NHSL1: variants seen among roughly 807,000 people sequenced by gnomAD.
NHSL1 encodes the protein NHS-like protein 1.
In NHSL1, 48 loss-of-function variants were observed where a neutral mutation model predicts 95.0. The ratio of observed to expected loss-of-function variants is 0.51; its 90% confidence interval spans 0.40 to 0.64. The LOEUF (loss-of-function observed/expected upper bound fraction) is 0.64. Ranked by LOEUF, NHSL1 falls within the 30% of genes least tolerant of loss-of-function variation. NHSL1 has a pLI of 0.00. For missense variants in NHSL1, 1,971 were observed against 2,077.7 expected, an observed-to-expected ratio of 0.95 and a Z score of 1.00; for synonymous variants, 783 against 833.9, an observed-to-expected ratio of 0.94 and a Z score of 1.05.
chr6:138,672,250 A>C (rs1785382426), intron 1 of NHSL1, among the ~76,000 whole-genome samples: 1 of 152,162 alleles, frequency 6.6e-6, no homozygotes, highest in Non-Finnish European at 1.5e-5. Flanking sequence ...GAAAAAGTCA[A>C]AGAAGGCAGC....
intron 1 of NHSL1, among the ~76,000 whole-genome samples, chr6:138,563,939 G>A (rs1783508559): frequency 6.6e-6 from 1 of 152,174 alleles, no homozygotes; most frequent in Admixed American, 6.5e-5. Flanking sequence ...GGTGAAAGCA[G>A]GGAAACCAGT....
intron 1 of NHSL1, among the ~76,000 whole-genome samples, chr6:138,569,725 CCT>C (rs754129413): frequency 2.6e-4 from 39 of 152,270 alleles, no homozygotes; most frequent in Non-Finnish European, 5.1e-4. Context: ...ATAACATTCC[CCT>C]GAGACAAGAT....
At chr6:138,438,093 G>A (rs1176890825) in intron 5 of NHSL1, among the ~76,000 whole-genome samples, 1 of 152,110 alleles carries the variant, frequency 6.6e-6, no homozygotes, top group Non-Finnish European at 1.5e-5. Context: ...TTCTACTGTC[G>A]GTAAAATGTT....
chr6:138,682,548 T>G (rs1445204870), intron 1 of NHSL1, among the ~76,000 whole-genome samples: 1 of 152,240 alleles, frequency 6.6e-6, no homozygotes, highest in Non-Finnish European at 1.5e-5. Flanking sequence ...TATCTAACCA[T>G]CCACATGAAA....
At chr6:138,549,666 C>T (rs1486881843), upstream of NHSL1, among the ~76,000 whole-genome samples, 4 of 152,172 alleles carry the variant, frequency 2.6e-5, no homozygotes, top group Admixed American at 2.0e-4. Context: ...GGAACTTATA[C>T]ATTTAGCAAG....
intron 1 of NHSL1, among the ~76,000 whole-genome samples, chr6:138,583,420 G>C (rs1445467458): frequency 6.6e-6 from 1 of 152,162 alleles, no homozygotes; most frequent in African/African-American, 2.4e-5. Context: ...AAGTTACCAA[G>C]GGTTAAAGGC....
chr6:138,588,919 T>C (rs563919291), intron 1 of NHSL1, among the ~76,000 whole-genome samples: 1 of 152,268 alleles, frequency 6.6e-6, no homozygotes, highest in South Asian at 2.1e-4. Flanking sequence ...CTGAAAATCA[T>C]GTTTGAAATC....
At chr6:138,625,699 A>T (rs1172778943) in intron 1 of NHSL1, among the ~76,000 whole-genome samples, 1 of 151,430 alleles carries the variant, frequency 6.6e-6, no homozygotes, top group Admixed American at 6.6e-5. Flanking sequence ...ACTTGAATGC[A>T]GTGCAGTGAT....
At chr6:138,600,239 T>C (rs753065697) in intron 1 of NHSL1, among the ~76,000 whole-genome samples, 4 of 152,226 alleles carry the variant, frequency 2.6e-5, no homozygotes, top group Non-Finnish European at 5.9e-5. Flanking sequence ...TATTTTCTTT[T>C]TCTTTTCTTT....
At chr6:138,686,337 A>C (rs1381247853) in intron 1 of NHSL1, among the ~76,000 whole-genome samples, 1 of 152,128 alleles carries the variant, frequency 6.6e-6, no homozygotes, top group African/African-American at 2.4e-5. Context: ...CCTGGGCAAC[A>C]CAGTAAAACC....
At chr6:138,581,860 G>A (rs1349933324) in intron 1 of NHSL1, among the ~76,000 whole-genome samples, 5 of 149,798 alleles carry the variant, frequency 3.3e-5, no homozygotes, top group Non-Finnish European at 5.9e-5. Flanking sequence ...TCTGAATGAG[G>A]AAAAAAAATT....
At chr6:138,434,409 T>TC (rs1775930689) in intron 5 of NHSL1, among the ~76,000 whole-genome samples, 1 of 147,264 alleles carries the variant, frequency 6.8e-6, no homozygotes, top group Non-Finnish European at 1.5e-5. Flanking sequence ...GAATAGTATG[T>TC]TAAAAAAAAA....
At chr6:138,614,686 T>C (rs1011886734) in intron 1 of NHSL1, among the ~76,000 whole-genome samples, 1 of 152,160 alleles carries the variant, frequency 6.6e-6, no homozygotes, top group African/African-American at 2.4e-5. Context: ...AGTACCAGTC[T>C]GGTGTGTTAC....
chr6:138,442,008 G>A lies in NHSL1; in HGVS notation c.639C>T (p.Val213=). The part of the protein sequence containing the change: ...KVKRRKTITG[V]PDNIQKELAS... ...CTAGCTCCTTCTGTATGTTGTCAGG[G>A]ACTCCTGTAATAGTCTTTCTCCTTT... is the stretch of plus-strand genomic sequence containing the variant. Residue 213 remains valine (V), a synonymous_variant, in exon 5 of 8, where the codon GTC becomes GTT. Transcript: ENST00000343505. The A allele has an allele frequency of 6.4e-7, 1 of 1,551,160 alleles. No homozygotes were observed. The highest frequency in any genetic ancestry group is 8.7e-7 in the Non-Finnish European group (1 of 1,146,758).
At chr6:138,590,101 G>A (rs559900095) in intron 1 of NHSL1, among the ~76,000 whole-genome samples, 31 of 152,272 alleles carry the variant, frequency 2.0e-4, no homozygotes, top group Admixed American at 9.8e-4. Context: ...GGGTTCAAGC[G>A]ATTCTCCTGC....
At chr6:138,590,806 T>C (rs1358012964) in intron 1 of NHSL1, among the ~76,000 whole-genome samples, 3 of 152,174 alleles carry the variant, frequency 2.0e-5, no homozygotes, top group African/African-American at 7.2e-5. Flanking sequence ...TGTCCATCAG[T>C]GATAATCAGT....
chr6:138,571,651 C>T, intron 1 of NHSL1: 2 of 1,496,722 alleles, frequency 1.3e-6, no homozygotes, highest in Non-Finnish European at 1.8e-6. Context: ...GTGATAGAAA[C>T]AAAGAATTCT....
At chr6:138,441,069 A>G (rs1776496078) in intron 5 of NHSL1, among the ~76,000 whole-genome samples, 1 of 152,238 alleles carries the variant, frequency 6.6e-6, no homozygotes, top group South Asian at 2.1e-4. Flanking sequence ...TCACATGCAC[A>G]AATTGTCCTC....
intron 2 of NHSL1, among the ~76,000 whole-genome samples, chr6:138,478,548 T>C (rs900919330): frequency 2.0e-5 from 3 of 152,166 alleles, no homozygotes; most frequent in African/African-American, 4.8e-5. Context: ...TGGAGTTTCT[T>C]GTCTGTGGGG....
Sources: gnomAD v4.1 joint callset for allele counts (sites outside exome capture counted in the v4.1 genomes callset) on GRCh38, gnomAD v4.1.1 for gene constraint, MANE v1.5 for transcripts, NCBI Gene and HGNC (gene_info 2026-07-23, HGNC 2026-07-21) for gene names.